SLCO3A1: variants seen among roughly 807,000 people sequenced by gnomAD.
SLCO3A1 encodes the protein solute carrier organic anion transporter family member 3A1.
A neutral mutation model predicts 63.1 loss-of-function variants in SLCO3A1; 27 were observed. The observed-to-expected ratio is 0.43, with a 90% CI of 0.32 to 0.59. The LOEUF (loss-of-function observed/expected upper bound fraction) is 0.59. Ranked by LOEUF, SLCO3A1 falls within the 20% of genes least tolerant of loss-of-function variation. SLCO3A1 has a pLI of 0.09. For synonymous variants in SLCO3A1, 473 were observed against 409.9 expected, an observed-to-expected ratio of 1.15 and a Z score of -1.86; for missense variants, 773 against 945.8, an observed-to-expected ratio of 0.82 and a Z score of 2.40.
Position 91,856,941 on chromosome 15 carries a change from C to A in SLCO3A1, c.180+2853C>A, listed in dbSNP as rs1567158597. Among the ~76,000 whole-genome samples the A allele has an allele frequency of 6.6e-6, 1 of 151,800 alleles. No homozygotes were observed. Among genetic ancestry groups the A allele is most frequent in the African/African-American group, 2.4e-5 (1 of 41,306 alleles). ...CTGAAAAGACAAATTTCTCAGTGTC[C>A]TGAATGACACTAGTGTAGGCTTCCC... On this transcript the variant is annotated intron_variant, in intron 1 of 9. Transcript: ENST00000318445. This position sits in a 1 kb window ranked among gnomAD's most constrained non-coding sequence, Gnocchi z 4.9.
At chr15:92,020,398 A>G (rs2046494263) in intron 2 of SLCO3A1, among the ~76,000 whole-genome samples, 2 of 152,332 alleles carry the variant, frequency 1.3e-5, no homozygotes, top group African/African-American at 4.8e-5. Flanking sequence ...ATCTCAGCCA[A>G]TTTGTTTGGC....
At chr15:92,150,567 T>C (rs899850561) in intron 8 of SLCO3A1, among the ~76,000 whole-genome samples, 1 of 152,144 alleles carries the variant, frequency 6.6e-6, no homozygotes, top group South Asian at 2.1e-4. Flanking sequence ...ATAAGGGGAA[T>C]TATTTTCTCG....
At chr15:91,994,768 G>C (rs1446642780) in intron 2 of SLCO3A1, among the ~76,000 whole-genome samples, 1 of 152,190 alleles carries the variant, frequency 6.6e-6, no homozygotes, top group Non-Finnish European at 1.5e-5. Context: ...CCTCTAGCTT[G>C]GGCATCAGTA....
intron 2 of SLCO3A1, among the ~76,000 whole-genome samples, chr15:91,956,201 G>T (rs1256059428): frequency 6.6e-6 from 1 of 152,158 alleles, no homozygotes; most frequent in Non-Finnish European, 1.5e-5. Context: ...GAGGCTGGTT[G>T]GTTTCTGGCG....
intron 3 of SLCO3A1, 123 bp downstream of exon 3, chr15:92,095,102 G>C: frequency 1.7e-6 from 1 of 589,184 alleles, no homozygotes; most frequent in Non-Finnish European, 3.1e-6. Flanking sequence ...CCCTGCCTCT[G>C]TAGCTGGGGC....
In SLCO3A1 at chr15:92,163,684, C is replaced by T; in HGVS notation, c.*549C>T. 1.0e-6 allele frequency: 1 copy of T among 985,398 alleles called. No individual in the cohort carries two copies. Among genetic ancestry groups the T allele is most frequent in the Non-Finnish European group, 1.2e-6 (1 of 829,944 alleles). The allele number at this position is 985,398 out of a possible 1,614,324, so 61.0% of individuals were successfully genotyped here. Reference sequence around the variant, plus strand: ...AGTCGGAGGGGTGGAAGCACCACTCCTCTCTCTGACTTTCGCAATATGGGT... The same window carrying T: ...AGTCGGAGGGGTGGAAGCACCACTCTTCTCTCTGACTTTCGCAATATGGGT... On this transcript the variant is annotated 3_prime_UTR_variant, in exon 10 of 10. Transcript: ENST00000318445.
intron 2 of SLCO3A1, among the ~76,000 whole-genome samples, chr15:92,094,624 G>A (rs878898093): frequency 1.3e-5 from 2 of 152,164 alleles, no homozygotes; most frequent in Admixed American, 1.3e-4. Flanking sequence ...TTTGATGTGG[G>A]GTGAAGTCCT....
intron 5 of SLCO3A1, among the ~76,000 whole-genome samples, chr15:92,121,935 C>T (rs1040334044): frequency 1.4e-4 from 22 of 152,158 alleles, no homozygotes; most frequent in Admixed American, 4.6e-4. Context: ...GAAGTGGCAG[C>T]GGTGGCACCC....
chr15:91,952,999 A>C (rs1900048385), intron 2 of SLCO3A1, among the ~76,000 whole-genome samples: 1 of 152,166 alleles, frequency 6.6e-6, no homozygotes, highest in Non-Finnish European at 1.5e-5. Context: ...AGTTGCTCTG[A>C]AAATTAGATC....
intron 2 of SLCO3A1, among the ~76,000 whole-genome samples, chr15:92,022,495 G>T (rs968630568): frequency 1.3e-5 from 2 of 152,198 alleles, no homozygotes; most frequent in African/African-American, 2.4e-5. Context: ...CTCTTGCCTT[G>T]TAGGAGTGGT....
rs940627364 is a variant in SLCO3A1, at chr15:91,912,639, C to A, written c.181-3354C>A. On this transcript the variant is annotated intron_variant, in intron 1 of 9. Transcript: ENST00000318445. The surrounding 1 kb of genome is among the most constrained non-coding windows in gnomAD (Gnocchi z 5.0). ...AGTTGTCATGTTTCAGATTTGTTGT[C>A]TTGTGTGTATGTCATGAGGCATCAT... Among the ~76,000 whole-genome samples the A allele has an allele frequency of 2.8e-4, 42 of 152,182 alleles. No homozygotes were observed. The highest frequency in any genetic ancestry group is 9.9e-4 in the African/African-American group (41 of 41,426).
chr15:92,119,778 C>T (rs1339297376), intron 4 of SLCO3A1, among the ~76,000 whole-genome samples: 1 of 152,144 alleles, frequency 6.6e-6, no homozygotes. Flanking sequence ...TTGAGCTGAT[C>T]TCGCTGACTG....
intron 2 of SLCO3A1, among the ~76,000 whole-genome samples, chr15:92,016,262 A>ATAGATAGAT (rs2046433998): frequency 4.4e-5 from 5 of 112,780 alleles, no homozygotes; most frequent in African/African-American, 1.3e-4. Context: ...GATTAGATAG[A>ATAGATAGAT]TAGATAGATA....
chr15:92,047,587 ATATATAATATAT>A (rs2046901183), intron 2 of SLCO3A1, among the ~76,000 whole-genome samples: 1 of 7,830 alleles, frequency 1.3e-4, no homozygotes, highest in South Asian at 5.4e-3. Flanking sequence ...TATATAATAT[ATATATAATATAT>A]AATATATATA....
intron 2 of SLCO3A1, among the ~76,000 whole-genome samples, chr15:91,940,658 C>T (rs1297416066): frequency 6.6e-6 from 1 of 152,196 alleles, no homozygotes; most frequent in Non-Finnish European, 1.5e-5. Flanking sequence ...CTCACATGCT[C>T]ATGTGAGTCG....
chr15:92,020,953 G>A (rs8037338), intron 2 of SLCO3A1, among the ~76,000 whole-genome samples: 27,829 of 152,182 alleles, frequency 0.18, 2,738 homozygotes, highest in Non-Finnish European at 0.21. Flanking sequence ...TCATTGTTGT[G>A]TGATCTCATG....
chr15:92,019,426 C>G (rs902642419), intron 2 of SLCO3A1, among the ~76,000 whole-genome samples: 11 of 152,202 alleles, frequency 7.2e-5, no homozygotes, highest in African/African-American at 2.7e-4. Context: ...ATATTACTTT[C>G]TTCCCCTTCA....
At chr15:92,029,581 A>C (rs1023556138) in intron 2 of SLCO3A1, among the ~76,000 whole-genome samples, 1 of 152,226 alleles carries the variant, frequency 6.6e-6, no homozygotes, top group Non-Finnish European at 1.5e-5. Context: ...TGGAAACACA[A>C]TAAAGGCTAA....
intron 2 of SLCO3A1, among the ~76,000 whole-genome samples, chr15:92,003,819 C>T (rs948748376): frequency 6.6e-6 from 1 of 152,168 alleles, no homozygotes; most frequent in East Asian, 1.9e-4. Context: ...GGCTGTGGGT[C>T]GGATCACAGC....
Sources: allele counts gnomAD v4.1 joint callset (sites outside exome capture counted in the v4.1 genomes callset), GRCh38; gene constraint gnomAD v4.1.1; non-coding constraint Gnocchi (gnomAD v3.1); transcripts MANE v1.5; gene names NCBI Gene and HGNC (gene_info 2026-07-23, HGNC 2026-07-21).